The following MMD2 variants were observed in gnomAD, a reference collection of about 807,000 sequenced individuals.
MMD2 encodes the protein monocyte to macrophage differentiation factor 2.
MMD2 carries 30 observed loss-of-function variants against 33.5 expected under a neutral mutation model. The ratio of observed to expected loss-of-function variants is 0.90; its 90% CI spans 0.67 to 1.22. The LOEUF (loss-of-function observed/expected upper bound fraction) is 1.22, where lower values mean the gene tolerates loss of function less well. Ranked by LOEUF, MMD2 falls within the 50% of genes most tolerant of loss-of-function variation. MMD2 has a pLI of 0.00. For missense variants in MMD2, 364 were observed against 325.4 expected, an observed-to-expected ratio of 1.12 and a Z score of -0.91; for synonymous variants, 129 against 123.0, an observed-to-expected ratio of 1.05 and a Z score of -0.32.
chr7:4,907,652 T>C (rs1784898760), intron 6 of MMD2, 53 bp from the exon 7 acceptor site: 2 of 1,584,254 alleles, frequency 1.3e-6, no homozygotes, highest in Non-Finnish European at 1.7e-6. Flanking sequence ...TCAGTGTGGC[T>C]GAAAGCACCA....
chr7:4,917,566 C>T (rs1206544834), intron 3 of MMD2, among the ~76,000 whole-genome samples: 1 of 151,916 alleles, frequency 6.6e-6, no homozygotes, highest in Non-Finnish European at 1.5e-5. Flanking sequence ...GTGGTGGGCA[C>T]CTGCAGTCCC....
chr7:4,945,691 C>T (rs1786055839), intron 1 of MMD2, among the ~76,000 whole-genome samples: 1 of 152,196 alleles, frequency 6.6e-6, no homozygotes, highest in African/African-American at 2.4e-5. Context: ...TCTCCTGCCT[C>T]AGCCTCCTAA....
At chr7:4,899,390 T>G in the MMD2 span, among the ~76,000 whole-genome samples, 1 of 151,726 alleles carries the variant, frequency 6.6e-6, no homozygotes, top group Non-Finnish European at 1.5e-5. Flanking sequence ...AAAATGTATT[T>G]TTCTTTTTTT....
At chr7:4,944,046 A>G (rs2115146151) in intron 1 of MMD2, among the ~76,000 whole-genome samples, 1 of 151,484 alleles carries the variant, frequency 6.6e-6, no homozygotes, top group Middle Eastern at 3.4e-3. Context: ...CAATCTTCCC[A>G]CCTCAGCCTC....
chr7:4,955,574 A>G (rs1337924664), intron 1 of MMD2, among the ~76,000 whole-genome samples: 3 of 152,148 alleles, frequency 2.0e-5, no homozygotes, highest in African/African-American at 7.2e-5. Flanking sequence ...ACTTGTGGGG[A>G]AAAAAATGTA....
chr7:4,945,185 T>TTTCTACTTCTTCTTCTTCTTCTTC, intron 1 of MMD2, among the ~76,000 whole-genome samples: 1 of 93,540 alleles, frequency 1.1e-5, no homozygotes, highest in South Asian at 5.2e-4. Context: ...CCTCTTCCTC[T>TTTCTACTTCTTCTTCTTCTTCTTC]TTCTTCTTCT....
the MMD2 span, among the ~76,000 whole-genome samples, chr7:4,900,162 G>A: frequency 8.5e-5 from 13 of 152,076 alleles, no homozygotes; most frequent in African/African-American, 2.4e-4. Context: ...TTAGCCAGGC[G>A]TGGTGGCAGG....
chr7:4,939,626 G>C (rs1243629145), intron 1 of MMD2, among the ~76,000 whole-genome samples: 5 of 152,108 alleles, frequency 3.3e-5, no homozygotes, highest in Non-Finnish European at 7.4e-5. Context: ...TGGAACACTA[G>C]ATAGTAATGA....
intron 1 of MMD2, among the ~76,000 whole-genome samples, chr7:4,935,584 G>T (rs910412413): frequency 4.0e-5 from 6 of 149,930 alleles, no homozygotes; most frequent in African/African-American, 1.5e-4. Flanking sequence ...GGCTGAGGTG[G>T]GAGGATCACT....
At chr7:4,924,140 C>A (rs1015117060) in intron 2 of MMD2, among the ~76,000 whole-genome samples, 1 of 152,088 alleles carries the variant, frequency 6.6e-6, no homozygotes, top group Admixed American at 6.6e-5. Flanking sequence ...TGCAGTGAGC[C>A]GAGATCGCAC....
chr7:4,927,582 C>T (rs1487514348), intron 1 of MMD2, among the ~76,000 whole-genome samples: 1 of 152,020 alleles, frequency 6.6e-6, no homozygotes, highest in Admixed American at 6.6e-5. Context: ...TGCCACAGGC[C>T]TGTAATCGCA....
intron 1 of MMD2, among the ~76,000 whole-genome samples, chr7:4,943,339 T>C (rs1226203748): frequency 6.6e-6 from 1 of 151,936 alleles, no homozygotes; most frequent in African/African-American, 2.4e-5. Flanking sequence ...AACACGGGCT[T>C]TCACCATGTT....
intron 1 of MMD2, among the ~76,000 whole-genome samples, chr7:4,945,203 C>CTTCTTCTTCTT (rs1554273356): frequency 2.9e-5 from 4 of 138,454 alleles, no homozygotes; most frequent in Non-Finnish European, 6.2e-5. Context: ...TCTTCTTCTT[C>CTTCTTCTTCTT]TTCTTCTTCT....
chr7:4,950,664 C>T (rs917665565), intron 1 of MMD2, among the ~76,000 whole-genome samples: 1 of 151,768 alleles, frequency 6.6e-6, no homozygotes, highest in Non-Finnish European at 1.5e-5. Context: ...TCCAGGCTAC[C>T]GCGTGTGCCA....
At chr7:4,912,063 C>T (rs1180234305) in intron 4 of MMD2, among the ~76,000 whole-genome samples, 5 of 152,054 alleles carry the variant, frequency 3.3e-5, no homozygotes, top group Non-Finnish European at 7.3e-5. Context: ...GATCCCACCA[C>T]TGCACTCCAG....
At chr7:4,913,527 G>A (rs1231050175) in intron 4 of MMD2, among the ~76,000 whole-genome samples, 1 of 151,938 alleles carries the variant, frequency 6.6e-6, no homozygotes, top group Non-Finnish European at 1.5e-5. Flanking sequence ...AGACCAGCCT[G>A]GCCCAAATGG....
In MMD2 at chr7:4,928,210, A is replaced by C. The variant is rs1024504924; in HGVS notation, c.48-2678T>G. The stretch of plus-strand genomic sequence containing the variant: ...CCCTCAGGTCCGATGGTTACTTTGT[A>C]GACTGCCCCCCAAACAAATGAGTGT... On this transcript the variant is annotated intron_variant, in intron 1 of 6. Coordinates refer to ENST00000401401, the MANE Select transcript of MMD2 (RefSeq NM_198403.4). 3.2e-4 allele frequency among the ~76,000 whole-genome samples: 48 copies of C among 152,218 alleles called. 1 individual carries two copies. Among genetic ancestry groups the C allele is most frequent in the Middle Eastern group, 3.2e-3 (1 of 316 alleles).
At chr7:4,915,930 C>A in intron 4 of MMD2, 75 bp downstream of exon 4, 1 of 1,471,816 alleles carries the variant, frequency 6.8e-7, no homozygotes, top group Non-Finnish European at 9.4e-7. Context: ...CATTACCCAG[C>A]CAAATAGAAA....
At chr7:4,945,185 T>TCCTTCTTCTTCTTCTTC (rs1786024637) in intron 1 of MMD2, among the ~76,000 whole-genome samples, 4 of 93,540 alleles carry the variant, frequency 4.3e-5, no homozygotes, top group South Asian at 1.0e-3. Flanking sequence ...CCTCTTCCTC[T>TCCTTCTTCTTCTTCTTC]TTCTTCTTCT....
Sources: gnomAD v4.1 joint callset for allele counts (sites outside exome capture counted in the v4.1 genomes callset) on GRCh38, gnomAD v4.1.1 for gene constraint, MANE v1.5 for transcripts, NCBI Gene and HGNC (gene_info 2026-07-23, HGNC 2026-07-21) for gene names.